The following SPAG16 variants were observed in gnomAD, a reference collection of about 807,000 sequenced individuals.
SPAG16 encodes sperm associated antigen 16.
A neutral mutation model predicts 80.4 loss-of-function variants in SPAG16; 86 were observed. The observed-to-expected ratio is 1.07, with a 90% CI of 0.90 to 1.28. The LOEUF (loss-of-function observed/expected upper bound fraction) is 1.28. SPAG16 is among the 50% of genes most tolerant of loss of function. SPAG16 has a pLI of 0.00. For synonymous variants in SPAG16, 294 were observed against 265.9 expected, an observed-to-expected ratio of 1.11 and a Z score of -1.03; for missense variants, 870 against 765.3, an observed-to-expected ratio of 1.14 and a Z score of -1.61.
chr2:213,858,503 T>C (rs988492035), intron 10 of SPAG16, among the ~76,000 whole-genome samples: 3 of 152,212 alleles, frequency 2.0e-5, no homozygotes, highest in African/African-American at 7.2e-5. Flanking sequence ...CTTAATATAC[T>C]ATAGTATAGG....
In SPAG16 at chr2:213,368,849, C is replaced by T. The variant is rs150934952; in HGVS notation, c.832+4704C>T. On this transcript the variant is annotated intron_variant, in intron 8 of 15. Transcript: ENST00000331683. The stretch of plus-strand genomic sequence containing the variant: ...GAGAATAAAATACCTAAGAATCCAA[C>T]TTACAAAGGATGTGAAGGACGTCTT... 5.8e-4 allele frequency among the ~76,000 whole-genome samples: 89 copies of T among 152,284 alleles called. 1 individual carries two copies. The highest frequency in any genetic ancestry group is 2.0e-3 in the African/African-American group (85 of 41,562).
At position 213,915,032 on chromosome 2, in the gene SPAG16, G is replaced by A. The variant is rs1323633311; in HGVS notation, c.1215-14928G>A. Among the ~76,000 whole-genome samples the A allele has an allele frequency of 4.6e-5, 7 of 152,250 alleles. No homozygotes were observed. The East Asian group carries it at 1.2e-3, about 25-fold the overall frequency. On this transcript the variant is annotated intron_variant, in intron 11 of 15. Coordinates refer to ENST00000331683, the MANE Select transcript of SPAG16 (RefSeq NM_024532.5). ...TGACTCACAGTTCCACATGGCTGGG[G>A]AGGCCTCATAATCACGGCAGAAGGT...
chr2:213,332,728 G>A (rs1443480384), intron 5 of SPAG16, among the ~76,000 whole-genome samples: 1 of 152,116 alleles, frequency 6.6e-6, no homozygotes, highest in African/African-American at 2.4e-5. Flanking sequence ...ACATATGCAA[G>A]TTAATCAGTG....
At chr2:213,773,063 TA>T (rs2069352556) in intron 10 of SPAG16, among the ~76,000 whole-genome samples, 1 of 152,194 alleles carries the variant, frequency 6.6e-6, no homozygotes, top group Admixed American at 6.5e-5. Context: ...ACAATTATTT[TA>T]AAGTCTTTGA....
At chr2:214,336,616 A>C (rs953295578) in intron 15 of SPAG16, among the ~76,000 whole-genome samples, 1 of 152,142 alleles carries the variant, frequency 6.6e-6, no homozygotes, top group East Asian at 1.9e-4. Flanking sequence ...GAGAAGGCTC[A>C]TTAAAGATGA....
At chr2:213,839,120 T>C (rs2074242585) in intron 10 of SPAG16, among the ~76,000 whole-genome samples, 1 of 152,232 alleles carries the variant, frequency 6.6e-6, no homozygotes, top group Non-Finnish European at 1.5e-5. Context: ...CACATTTAAA[T>C]GCATGATTTC....
intron 12 of SPAG16, among the ~76,000 whole-genome samples, chr2:213,946,129 G>C (rs537493043): frequency 7.2e-5 from 11 of 151,866 alleles, no homozygotes; most frequent in Non-Finnish European, 1.5e-5. Flanking sequence ...AAATTTTTTT[G>C]TGTGTGATGG....
intron 15 of SPAG16, among the ~76,000 whole-genome samples, chr2:214,343,510 C>T (rs1697850677): frequency 6.6e-6 from 1 of 151,918 alleles, no homozygotes; most frequent in Non-Finnish European, 1.5e-5. Context: ...CATGGCAAAA[C>T]ACTTCAAATC....
At chr2:213,943,920 A>C (rs1014044075) in intron 12 of SPAG16, among the ~76,000 whole-genome samples, 8 of 152,216 alleles carry the variant, frequency 5.3e-5, no homozygotes, top group Non-Finnish European at 1.2e-4. Context: ...AAATGGAATA[A>C]AATGAAGAAA....
At chr2:214,362,268 G>A (rs1283037454) in intron 15 of SPAG16, among the ~76,000 whole-genome samples, 1 of 151,828 alleles carries the variant, frequency 6.6e-6, no homozygotes, top group Non-Finnish European at 1.5e-5. Context: ...AAGTCACAGA[G>A]TCATTCCTAA....
intron 15 of SPAG16, among the ~76,000 whole-genome samples, chr2:214,218,697 G>A (rs1235978423): frequency 6.6e-6 from 1 of 152,208 alleles, no homozygotes; most frequent in Non-Finnish European, 1.5e-5. Flanking sequence ...GAAATATACA[G>A]ATATGACATT....
In SPAG16 at chr2:213,885,162, A is replaced by G. The variant is rs184927035; in HGVS notation, c.1214+22534A>G. On this transcript the variant is annotated intron_variant, in intron 11 of 15. Transcript: ENST00000331683. ...ATTTCTGGATGTTTTTAGACAGCCA[A>G]TATGCTCTCTGTAGGGTCTTTATCT... 8.5e-5 allele frequency among the ~76,000 whole-genome samples: 13 copies of G among 152,320 alleles called. No individual in the cohort carries two copies. In the East Asian group the frequency reaches 9.6e-4, roughly 11 times the overall value.
chr2:213,370,186 A>T (rs536811106), intron 8 of SPAG16, among the ~76,000 whole-genome samples: 1 of 152,290 alleles, frequency 6.6e-6, no homozygotes, highest in East Asian at 1.9e-4. Context: ...AAGCAATCTC[A>T]CTTTTTAACC....
intron 11 of SPAG16, among the ~76,000 whole-genome samples, chr2:213,875,508 A>T (rs2076108937): frequency 2.6e-5 from 4 of 152,146 alleles, no homozygotes; most frequent in Admixed American, 2.6e-4. Flanking sequence ...TTTACTGACT[A>T]TGATGAGAGG....
At chr2:214,143,246 T>TGG (rs2055460427) in intron 14 of SPAG16, among the ~76,000 whole-genome samples, 1 of 150,740 alleles carries the variant, frequency 6.6e-6, no homozygotes, top group South Asian at 2.1e-4. Flanking sequence ...TTTTTTTTTT[T>TGG]TTTTTTTTTG....
intron 10 of SPAG16, among the ~76,000 whole-genome samples, chr2:213,584,431 T>G (rs2060396544): frequency 6.6e-6 from 1 of 152,072 alleles, no homozygotes; most frequent in Non-Finnish European, 1.5e-5. Context: ...TCAGTGTTGC[T>G]TAGGAAAGTA....
Position 214,313,445 on chromosome 2 carries a change from T to G in SPAG16, c.1721-96695T>G, listed in dbSNP as rs372594273. ...TTCTAGAATGTTGATAAGATATATT[T>G]GGGAACATTTATCTAAGCTGCCATT... On this transcript the variant is annotated intron_variant, in intron 15 of 15. Coordinates refer to ENST00000331683, the MANE Select transcript of SPAG16 (RefSeq NM_024532.5). Among the ~76,000 whole-genome samples the G allele has an allele frequency of 1.2e-4, 19 of 152,246 alleles. No individual in the cohort carries two copies. In the East Asian group the frequency reaches 3.5e-3, roughly 28 times the overall value.
At chr2:213,727,904 A>G (rs7598173) in intron 10 of SPAG16, among the ~76,000 whole-genome samples, 94,154 of 151,898 alleles carry the variant, frequency 0.62, 32,775 homozygotes, top group Non-Finnish European at 0.8. Flanking sequence ...GTTGGAGTGC[A>G]ATGGCGTGAT....
At chr2:213,690,198 A>C (rs1319352311) in intron 10 of SPAG16, among the ~76,000 whole-genome samples, 1 of 152,180 alleles carries the variant, frequency 6.6e-6, no homozygotes, top group Non-Finnish European at 1.5e-5. Context: ...CTCTATTTCT[A>C]GACTTAACTC....
Sources: allele counts gnomAD v4.1 joint callset (sites outside exome capture counted in the v4.1 genomes callset), GRCh38; gene constraint gnomAD v4.1.1; transcripts MANE v1.5; gene names NCBI Gene and HGNC (gene_info 2026-07-23, HGNC 2026-07-21).